OPCML: variants seen among roughly 807,000 people sequenced by gnomAD.
OPCML encodes opioid binding protein/cell adhesion molecule like.
Under a neutral mutation model 37.8 loss-of-function variants are expected in OPCML, and 13 were observed. That is an observed-to-expected ratio of 0.34 (90% CI 0.22 to 0.55). The LOEUF (loss-of-function observed/expected upper bound fraction) is 0.55, where lower values mean the gene tolerates loss of function less well. Among genes scored for constraint, OPCML ranks in the 20% least tolerant of loss-of-function variants. The pLI, the probability that OPCML is intolerant of heterozygous loss-of-function variation, is 0.91. For missense variants in OPCML, 341 were observed against 435.6 expected (o/e 0.78, Z 1.93); for synonymous variants, 176 against 168.8 (o/e 1.04, Z -0.33).
At chr11:132,661,457 A>G (rs1334463987) in intron 2 of OPCML, among the ~76,000 whole-genome samples, 1 of 152,160 alleles carries the variant, frequency 6.6e-6, no homozygotes, top group African/African-American at 2.4e-5. Context: ...TCCCCTGAAC[A>G]GCAGGAAAGA....
intron 2 of OPCML, among the ~76,000 whole-genome samples, chr11:132,767,739 G>T (rs1313122802): frequency 1.3e-5 from 2 of 151,980 alleles, no homozygotes; most frequent in African/African-American, 4.8e-5. Context: ...TACAATCTGA[G>T]TGTAAAAAGA....
intron 1 of OPCML, among the ~76,000 whole-genome samples, chr11:133,156,272 C>T (rs1476873256): frequency 6.6e-6 from 1 of 152,294 alleles, no homozygotes; most frequent in South Asian, 2.1e-4. Context: ...TACCTGGACC[C>T]TTCACCCTGC....
intron 1 of OPCML, among the ~76,000 whole-genome samples, chr11:133,531,218 T>C (rs1262773796): frequency 2.0e-5 from 3 of 152,218 alleles, no homozygotes; most frequent in Non-Finnish European, 4.4e-5. Flanking sequence ...AGGCATTCAG[T>C]TGTCTGCTTG....
At chr11:132,481,187 G>A (rs556288329) in intron 4 of OPCML, among the ~76,000 whole-genome samples, 1 of 152,242 alleles carries the variant, frequency 6.6e-6, no homozygotes, top group South Asian at 2.1e-4. Flanking sequence ...TATCTCATGT[G>A]CAGAGACACA....
intron 2 of OPCML, among the ~76,000 whole-genome samples, chr11:132,692,049 A>G (rs1175104406): frequency 1.3e-5 from 2 of 152,176 alleles, no homozygotes; most frequent in Non-Finnish European, 2.9e-5. Context: ...ATCAGCGTTA[A>G]TCTAACACAA....
chr11:132,806,523 G>A (rs1591636020), intron 2 of OPCML, among the ~76,000 whole-genome samples: 1 of 152,070 alleles, frequency 6.6e-6, no homozygotes, highest in African/African-American at 2.4e-5. Flanking sequence ...GTGAAATAGT[G>A]CATGATAAAA....
chr11:132,748,470 C>T (rs891722783), intron 2 of OPCML, among the ~76,000 whole-genome samples: 10 of 152,102 alleles, frequency 6.6e-5, no homozygotes, highest in Admixed American at 4.6e-4. Flanking sequence ...AAATCAAAAC[C>T]AAATAGAACC....
At chr11:132,887,572 C>T (rs545125091) in intron 2 of OPCML, among the ~76,000 whole-genome samples, 18 of 152,272 alleles carry the variant, frequency 1.2e-4, no homozygotes, top group East Asian at 5.8e-4. Context: ...ACAATAGGCA[C>T]GTTTCTAAAC....
intron 1 of OPCML, among the ~76,000 whole-genome samples, chr11:133,161,985 C>CTTTTTTTTTTTTTTTT (rs553617547): frequency 3.5e-5 from 3 of 85,484 alleles, no homozygotes; most frequent in Non-Finnish European, 6.5e-5. Context: ...CAGTCTCTGT[C>CTTTTTTTTTTTTTTTT]TTTTTTTTTT....
intron 3 of OPCML, among the ~76,000 whole-genome samples, chr11:132,613,265 A>G (rs1392151492): frequency 1.3e-5 from 2 of 152,152 alleles, no homozygotes; most frequent in Non-Finnish European, 1.5e-5. Flanking sequence ...TCTTGGGTAA[A>G]CCTTTGCCGG....
At chr11:132,916,341 G>A (rs75771691) in intron 2 of OPCML, among the ~76,000 whole-genome samples, 12 of 152,188 alleles carry the variant, frequency 7.9e-5, no homozygotes, top group Non-Finnish European at 1.5e-4. Flanking sequence ...CCATGACTCT[G>A]GGGTTCCATG....
intron 1 of OPCML, among the ~76,000 whole-genome samples, chr11:133,237,258 A>T (rs1360193548): frequency 6.6e-6 from 1 of 152,218 alleles, no homozygotes; most frequent in Admixed American, 6.5e-5. Context: ...AGCACCCAGA[A>T]TTTGTACACC....
chr11:132,445,754 G>A (rs757142886), intron 4 of OPCML, among the ~76,000 whole-genome samples: 5 of 152,148 alleles, frequency 3.3e-5, no homozygotes, highest in Non-Finnish European at 5.9e-5. Context: ...GAGGACTCCT[G>A]TTGCTTTCAT....
intron 2 of OPCML, among the ~76,000 whole-genome samples, chr11:132,828,756 CT>C (rs1940515198): frequency 6.6e-6 from 1 of 152,142 alleles, no homozygotes; most frequent in Non-Finnish European, 1.5e-5. Context: ...AGTGCTGATA[CT>C]GAAGTTGTCT....
intron 1 of OPCML, among the ~76,000 whole-genome samples, chr11:133,027,868 C>A (rs1236965439): frequency 8.7e-4 from 1 of 1,150 alleles, no homozygotes; most frequent in East Asian, 0.023. Flanking sequence ...GGGTTTTGTA[C>A]CTCCATGCCA....
rs942850640 is a variant in OPCML, at chr11:132,536,858, C to T, written c.380-7672G>A. On this transcript the variant is annotated intron_variant, in intron 3 of 7. Transcript: ENST00000524381. ...GGAGGAGCAGATTCTGAATATTTTC[C>T]TTCTGTAGCTCTGTGACATTTTTCT... is the stretch of plus-strand genomic sequence containing the variant. Among the ~76,000 whole-genome samples, 17 of 152,246 alleles carry T rather than the reference C, an allele frequency of 1.1e-4. No homozygotes were observed. The East Asian group carries it at 2.3e-3, about 21-fold the overall frequency.
At chr11:132,642,699 T>C (rs1368797737) in intron 3 of OPCML, among the ~76,000 whole-genome samples, 2 of 152,196 alleles carry the variant, frequency 1.3e-5, no homozygotes, top group Non-Finnish European at 2.9e-5. Flanking sequence ...TGCACCTTAA[T>C]GCCCAACCTC....
Position 133,417,463 on chromosome 11 carries a change from T to TTTTATTTATTTATTTATTTA in OPCML, c.61+114781_61+114800dup, listed in dbSNP as rs143828312. On this transcript the variant is annotated intron_variant, in intron 1 of 7. Transcript: ENST00000524381. ...AAGCAAGTCACTAGCACCTGGATTC[T>TTTTATTTATTTATTTATTTA]TTTATTTATTTATTTATTTATTTAT... 3.0e-4 allele frequency among the ~76,000 whole-genome samples: 45 copies of TTTTATTTATTTATTTATTTA among 151,494 alleles called. No individual in the cohort carries two copies. In the East Asian group the frequency reaches 3.7e-3, roughly 12 times the overall value.
At chr11:132,495,992 T>G (rs1281503418) in intron 4 of OPCML, among the ~76,000 whole-genome samples, 1 of 152,002 alleles carries the variant, frequency 6.6e-6, no homozygotes, top group Non-Finnish European at 1.5e-5. Context: ...CTACGACAGG[T>G]GCTAGAAGTA....
Sources: allele counts gnomAD v4.1 joint callset (sites outside exome capture counted in the v4.1 genomes callset), GRCh38; gene constraint gnomAD v4.1.1; transcripts MANE v1.5; gene names NCBI Gene and HGNC (gene_info 2026-07-23, HGNC 2026-07-21).